MYO16: variants seen among roughly 807,000 people sequenced by gnomAD.
MYO16 encodes myosin XVI, also known as unconventional myosin-XVI.
MYO16 carries 94 observed loss-of-function variants against 205.3 expected under a neutral mutation model. That is an observed-to-expected ratio of 0.46 (90% CI 0.39 to 0.54). The LOEUF is 0.54. Ranked by LOEUF, MYO16 falls within the 20% of genes least tolerant of loss-of-function variation. The pLI is 0.00. For synonymous variants in MYO16, 988 were observed against 954.0 expected (o/e 1.04, Z -0.66); for missense variants, 2,315 against 2,387.5 (o/e 0.97, Z 0.63).
chr13:109,029,585 C>A (rs1886485637), intron 23 of MYO16, among the ~76,000 whole-genome samples: 1 of 152,158 alleles, frequency 6.6e-6, no homozygotes, highest in South Asian at 2.1e-4. Context: ...CTCTCCTTTT[C>A]TCCAGGCAGA....
rs1888095384 is a variant in MYO16 at position 109,076,149 on chromosome 13, G to A, written c.3335+20554G>A. Among the ~76,000 whole-genome samples the A allele has an allele frequency of 2.0e-5, 3 of 152,062 alleles. No homozygotes were observed. The South Asian group carries it at 6.2e-4, about 32-fold the overall frequency. On this transcript the variant is annotated intron_variant, in intron 27 of 34. Coordinates refer to ENST00000457511, the MANE Select transcript of MYO16 (RefSeq NM_001198950.3). ...GTTCTCTGTCTTTTTTTCTTTGCCA[G>A]TCTTGGTAGAGTTGTATTATGTTAT...
At position 108,844,398 on chromosome 13, in the gene MYO16, ATGT is replaced by A; in HGVS notation, c.1155_1157del (p.Met385_Phe386delinsIle). ...AGACAGTTTGTTGGAAAAAGACATT[ATGT>A]TCAAAGATGCAACAAAAGGTCTGTG... On this transcript the variant is annotated inframe_deletion, in exon 10 of 35. Transcript: ENST00000457511. 6.2e-7 allele frequency: 1 copy of A among 1,613,492 alleles called. No individual in the cohort carries two copies. The highest frequency in any genetic ancestry group is 1.7e-5 in the Admixed American group (1 of 59,958).
intron 6 of MYO16, among the ~76,000 whole-genome samples, chr13:108,798,597 A>G (rs927442301): frequency 6.6e-6 from 1 of 151,864 alleles, no homozygotes. Flanking sequence ...TATTAATGCG[A>G]TAACTGGCAT....
intron 1 of MYO16, among the ~76,000 whole-genome samples, chr13:108,636,207 G>A (rs962971604): frequency 6.6e-6 from 1 of 151,902 alleles, no homozygotes; most frequent in African/African-American, 2.4e-5. Flanking sequence ...CATTATCTTA[G>A]CTTTTGATAA....
intron 16 of MYO16, among the ~76,000 whole-genome samples, chr13:108,915,836 A>C (rs532117879): frequency 2.6e-5 from 4 of 152,176 alleles, no homozygotes; most frequent in Non-Finnish European, 5.9e-5. Context: ...GACTCAGAGC[A>C]TGTGACCTGT....
chr13:108,676,318 C>A (rs935127649), intron 2 of MYO16, among the ~76,000 whole-genome samples: 1 of 150,940 alleles, frequency 6.6e-6, no homozygotes, highest in Non-Finnish European at 1.5e-5. Flanking sequence ...TATTAAGGAG[C>A]GCTGAGCAAT....
chr13:108,711,790 C>T (rs1254590983), intron 2 of MYO16, among the ~76,000 whole-genome samples: 2 of 152,152 alleles, frequency 1.3e-5, no homozygotes, highest in Admixed American at 6.5e-5. Flanking sequence ...TGAGTTTGAA[C>T]CTGAGCCATT....
At chr13:108,848,181 G>A (rs188747618) in intron 10 of MYO16, among the ~76,000 whole-genome samples, 191 of 152,210 alleles carry the variant, frequency 1.3e-3, no homozygotes, top group South Asian at 1.9e-3. Context: ...TATATAGACT[G>A]ACTGTATGTG....
At chr13:108,601,764 T>C (rs1878771418) in intron 1 of MYO16, among the ~76,000 whole-genome samples, 1 of 152,082 alleles carries the variant, frequency 6.6e-6, no homozygotes, top group African/African-American at 2.4e-5. Context: ...AGGCAGTGGG[T>C]GAACACTGCT....
the MYO16 span, among the ~76,000 whole-genome samples, chr13:108,539,541 C>T: frequency 2.6e-5 from 4 of 152,216 alleles, no homozygotes; most frequent in East Asian, 1.9e-4. Context: ...AAATAACTTA[C>T]GATCTGCTAA....
At chr13:109,022,377 A>G (rs1474213991) in intron 23 of MYO16, among the ~76,000 whole-genome samples, 1 of 82,758 alleles carries the variant, frequency 1.2e-5, no homozygotes, top group Non-Finnish European at 2.2e-5. Flanking sequence ...TATGTATTAT[A>G]TATACAAATA....
intron 3 of MYO16, among the ~76,000 whole-genome samples, chr13:108,719,621 A>G (rs1253525627): frequency 2.0e-5 from 3 of 152,164 alleles, no homozygotes; most frequent in Admixed American, 6.5e-5. Flanking sequence ...GTGAATATGT[A>G]CGTTTAACTA....
intron 2 of MYO16, among the ~76,000 whole-genome samples, chr13:108,706,779 G>C (rs1883525959): frequency 6.6e-6 from 1 of 152,200 alleles, no homozygotes; most frequent in African/African-American, 2.4e-5. Context: ...CAGTCTTCAG[G>C]ATTTAGTCAG....
At chr13:108,518,113 G>A in the MYO16 span, among the ~76,000 whole-genome samples, 1 of 152,180 alleles carries the variant, frequency 6.6e-6, no homozygotes, top group Non-Finnish European at 1.5e-5. Context: ...AAACTAGAAT[G>A]GCTAATGCCC....
the MYO16 span, among the ~76,000 whole-genome samples, chr13:108,529,362 T>A: frequency 6.6e-6 from 1 of 152,156 alleles, no homozygotes; most frequent in East Asian, 1.9e-4. Context: ...CTTCATTTGC[T>A]GAACTGCCAA....
the MYO16 span, among the ~76,000 whole-genome samples, chr13:108,520,652 A>G: frequency 6.6e-6 from 1 of 152,234 alleles, no homozygotes; most frequent in African/African-American, 2.4e-5. Context: ...AATACATTGA[A>G]ATGTTCATCA....
In MYO16 at chr13:108,912,072, G is replaced by A. The variant is rs574752303; in HGVS notation, c.1925+1922G>A. On this transcript the variant is annotated intron_variant, in intron 16 of 34. Transcript: ENST00000457511. ...GCAGGAGTGTCAGCAGGGTACTGGAGAGAGGAGGGACTTTCCAGTGTGATG... is the reference window on the plus strand; with the variant it reads ...GCAGGAGTGTCAGCAGGGTACTGGAAAGAGGAGGGACTTTCCAGTGTGATG... 3.9e-5 allele frequency among the ~76,000 whole-genome samples: 6 copies of A among 152,278 alleles called. No individual in the cohort carries two copies. The South Asian group carries it at 1.2e-3, about 32-fold the overall frequency.
At chr13:108,603,643 C>T (rs1310667722) in intron 1 of MYO16, among the ~76,000 whole-genome samples, 3 of 151,968 alleles carry the variant, frequency 2.0e-5, no homozygotes, top group South Asian at 2.1e-4. Context: ...ATTTGAATGG[C>T]TTATTTTGTC....
chr13:109,020,992 A>G (rs1886004785), intron 23 of MYO16, among the ~76,000 whole-genome samples: 1 of 152,194 alleles, frequency 6.6e-6, no homozygotes, highest in Non-Finnish European at 1.5e-5. Context: ...CAACAAATGT[A>G]TATATTACGA....
Sources: gnomAD v4.1 joint callset for allele counts (sites outside exome capture counted in the v4.1 genomes callset) on GRCh38, gnomAD v4.1.1 for gene constraint, MANE v1.5 for transcripts, NCBI Gene and HGNC (gene_info 2026-07-23, HGNC 2026-07-21) for gene names.